Variants in COG5 observed in about 807,000 individuals in gnomAD.
The protein encoded by COG5 is component of oligomeric golgi complex 5.
Under a neutral mutation model 110.4 loss-of-function variants are expected in COG5, and 86 were observed. The observed-to-expected ratio is 0.78, with a 90% CI of 0.65 to 0.93. The LOEUF (loss-of-function observed/expected upper bound fraction) is 0.93. COG5 is among the 40% of genes least tolerant of loss of function. The pLI, the probability that COG5 is intolerant of heterozygous loss-of-function variation, is 0.00. For missense variants in COG5, 1,077 were observed against 987.0 expected (o/e 1.09, Z -1.22); for synonymous variants, 360 against 334.6 (o/e 1.08, Z -0.83).
intron 11 of COG5, among the ~76,000 whole-genome samples, chr7:107,315,408 T>C (rs1405852796): frequency 6.6e-6 from 1 of 152,302 alleles, no homozygotes; most frequent in East Asian, 1.9e-4. Context: ...CTAACTTGTA[T>C]GAACAACTTC....
At chr7:107,512,387 A>T (rs577740049) in intron 6 of COG5, among the ~76,000 whole-genome samples, 131 of 152,358 alleles carry the variant, frequency 8.6e-4, no homozygotes, top group Non-Finnish European at 1.6e-3. Flanking sequence ...CTGCTCAGTG[A>T]AATAAAAGAG....
At chr7:107,231,827 C>T (rs1800796320) in intron 18 of COG5, among the ~76,000 whole-genome samples, 1 of 105,848 alleles carries the variant, frequency 9.4e-6, no homozygotes. Context: ...TCACTAAATT[C>T]TCAAATTTAA....
chr7:107,426,727 C>T (rs745508435), intron 6 of COG5, among the ~76,000 whole-genome samples: 1 of 152,176 alleles, frequency 6.6e-6, no homozygotes, highest in Non-Finnish European at 1.5e-5. Flanking sequence ...CATAAACATT[C>T]TGTCCATTGC....
At chr7:107,444,948 G>A (rs1794918406) in intron 6 of COG5, among the ~76,000 whole-genome samples, 1 of 152,160 alleles carries the variant, frequency 6.6e-6, no homozygotes, top group Non-Finnish European at 1.5e-5. Flanking sequence ...AGCACTTTGG[G>A]AGGCCAAGGC....
chr7:107,226,045 C>T (rs1800312186), intron 19 of COG5, among the ~76,000 whole-genome samples: 1 of 152,010 alleles, frequency 6.6e-6, no homozygotes, highest in Non-Finnish European at 1.5e-5. Context: ...CATCATCACA[C>T]ACACACAAAA....
intron 7 of COG5, among the ~76,000 whole-genome samples, chr7:107,401,836 A>G (rs1289045431): frequency 6.6e-6 from 1 of 152,212 alleles, no homozygotes; most frequent in African/African-American, 2.4e-5. Context: ...GGGAAGGAAA[A>G]CATCCCAAAA....
chr7:107,237,517 G>A (rs1412170451), intron 17 of COG5, among the ~76,000 whole-genome samples: 2 of 152,204 alleles, frequency 1.3e-5, no homozygotes, highest in East Asian at 3.8e-4. Flanking sequence ...AGAGAAATTG[G>A]TGATGGTCTA....
At chr7:107,273,534 A>ATC in intron 14 of COG5, among the ~76,000 whole-genome samples, 1 of 152,328 alleles carries the variant, frequency 6.6e-6, no homozygotes, top group Non-Finnish European at 1.5e-5. Context: ...TAAAAGCTCT[A>ATC]TAGTGTTAGG....
At chr7:107,478,022 A>C (rs1329701335) in intron 6 of COG5, among the ~76,000 whole-genome samples, 1 of 151,906 alleles carries the variant, frequency 6.6e-6, no homozygotes, top group Non-Finnish European at 1.5e-5. Flanking sequence ...CTTCAGACTA[A>C]ATTTTTCTAT....
intron 19 of COG5, among the ~76,000 whole-genome samples, chr7:107,227,124 T>C (rs1800400422): frequency 6.6e-6 from 1 of 152,132 alleles, no homozygotes; most frequent in South Asian, 2.1e-4. Flanking sequence ...AAGGGCCTCG[T>C]GAGAAATCTG....
chr7:107,487,490 C>G (rs1034722155), intron 6 of COG5, among the ~76,000 whole-genome samples: 3 of 151,902 alleles, frequency 2.0e-5, no homozygotes, highest in African/African-American at 7.3e-5. Flanking sequence ...TGTGAGGCAC[C>G]GTGCCTGGCT....
Position 107,303,160 on chromosome 7 carries a change from C to T in COG5, c.1109-4814G>A, listed in dbSNP as rs79717103. ...GCCCAGGCTGGTCTCAAATGATCCT[C>T]CCACCTCGGCCACCAAAGTGTTGAG... On this transcript the variant is annotated intron_variant, in intron 11 of 21. Transcript: ENST00000297135. Among the ~76,000 whole-genome samples the T allele has an allele frequency of 8.6e-5, 13 of 151,984 alleles. No individual in the cohort carries two copies. In the East Asian group the frequency reaches 1.6e-3, roughly 18 times the overall value.
intron 11 of COG5, among the ~76,000 whole-genome samples, chr7:107,299,872 G>GAATATATATATATATATATATGGAATTA (rs1807106468): frequency 4.0e-5 from 3 of 75,876 alleles, no homozygotes; most frequent in South Asian, 4.5e-4. Context: ...GAATTATCTG[G>GAATATATATATATATATATATGGAATTA]AATATATATA....
intron 14 of COG5, among the ~76,000 whole-genome samples, chr7:107,265,598 C>A (rs191141596): frequency 6.6e-6 from 1 of 152,240 alleles, no homozygotes; most frequent in East Asian, 1.9e-4. Flanking sequence ...TTTTCAAATG[C>A]TTTTATCATA....
intron 13 of COG5, among the ~76,000 whole-genome samples, chr7:107,282,979 A>AT (rs1394912576): frequency 6.6e-6 from 1 of 152,214 alleles, no homozygotes; most frequent in East Asian, 1.9e-4. Context: ...AGAAACTGAG[A>AT]TAATTTCAAC....
chr7:107,394,233 G>A (rs1484733902), intron 7 of COG5, among the ~76,000 whole-genome samples: 2 of 150,782 alleles, frequency 1.3e-5, no homozygotes, highest in Admixed American at 6.6e-5. Context: ...AAAATGCTGT[G>A]ATTACAGGCG....
chr7:107,498,477 T>A (rs758600577), intron 6 of COG5, among the ~76,000 whole-genome samples: 50 of 152,250 alleles, frequency 3.3e-4, no homozygotes, highest in Admixed American at 8.5e-4. Flanking sequence ...GAATAGACAT[T>A]TCTCCAAAGA....
At chr7:107,453,962 A>G (rs1012164616) in intron 6 of COG5, among the ~76,000 whole-genome samples, 2 of 145,714 alleles carry the variant, frequency 1.4e-5, no homozygotes. Flanking sequence ...GAAATATCCA[A>G]ATCAAAACAA....
chr7:107,554,342 C>T lies in COG5; in HGVS notation c.235G>A (p.Val79Ile), dbSNP rs1270263754. The change falls in exon 3 of 22, where the codon GTT becomes ATT. Residue 79 changes from valine (V) to isoleucine (I), a missense_variant and splice_region_variant. Physicochemically the swap from Val to Ile is conservative, Grantham distance 29 (BLOSUM62 3). Coordinates refer to ENST00000297135, the MANE Select transcript of COG5 (RefSeq NM_006348.5). Reference protein sequence around the residue: ...SQLDRELHLQVVARHEDLLAQ... With the variant: ...SQLDRELHLQIVARHEDLLAQ... The stretch of plus-strand genomic sequence containing the variant: ...AGTAAATCTTCATGTCTTGCAACAA[C>T]CTGAAAATCAAAAATAAATGATTAG... The T allele has an allele frequency of 1.2e-6, 2 of 1,613,646 alleles. No individual in the cohort carries two copies. The highest frequency in any genetic ancestry group is 1.7e-6 in the Non-Finnish European group (2 of 1,179,630).
Sources: allele counts gnomAD v4.1 joint callset (sites outside exome capture counted in the v4.1 genomes callset), GRCh38; gene constraint gnomAD v4.1.1; transcripts MANE v1.5; gene names NCBI Gene and HGNC (gene_info 2026-07-23, HGNC 2026-07-21).